Variants in SNX13 observed in about 807,000 individuals in gnomAD.
SNX13 encodes sorting nexin 13.
SNX13 carries 45 observed loss-of-function variants against 133.6 expected under a neutral mutation model. The ratio of observed to expected loss-of-function variants is 0.34; its 90% CI spans 0.27 to 0.43. The LOEUF (loss-of-function observed/expected upper bound fraction) is 0.43, where lower values mean the gene tolerates loss of function less well. Ranked by LOEUF, SNX13 falls within the 20% of genes least tolerant of loss-of-function variation. The probability of loss-of-function intolerance (pLI) is 1.00; values close to 1 mark genes in which losing one functional copy is unlikely to be tolerated. For synonymous variants in SNX13, 414 were observed against 373.9 expected (o/e 1.11, Z -1.24); for missense variants, 1,032 against 1,145.1 (o/e 0.90, Z 1.43).
At chr7:17,923,786 T>C (rs1020625945) in intron 1 of SNX13, among the ~76,000 whole-genome samples, 2 of 152,178 alleles carry the variant, frequency 1.3e-5, no homozygotes, top group Non-Finnish European at 2.9e-5. Context: ...AAGAGGACAC[T>C]GCAGAATTTA....
intron 1 of SNX13, among the ~76,000 whole-genome samples, chr7:17,906,130 A>T (rs1253641973): frequency 6.6e-6 from 1 of 152,250 alleles, no homozygotes; most frequent in Non-Finnish European, 1.5e-5. Flanking sequence ...CACAAGTACA[A>T]GATGATTTTA....
chr7:17,803,409 G>A lies in SNX13; in HGVS notation c.2226+10C>T. ...GTTTGCTTTAGACATTACTGAAAAT[G>A]TCTTCTTACCTTAAAAAATGATTGC... is the stretch of plus-strand genomic sequence containing the variant. On this transcript the variant is annotated intron_variant, in intron 21 of 25. Transcript: ENST00000428135. 6.3e-7 allele frequency: 1 copy of A among 1,596,282 alleles called. No individual in the cohort carries two copies. The highest frequency in any genetic ancestry group is 8.5e-7 in the Non-Finnish European group (1 of 1,171,288).
chr7:17,820,998 G>A (rs972603605), intron 18 of SNX13, among the ~76,000 whole-genome samples: 3 of 151,916 alleles, frequency 2.0e-5, no homozygotes, highest in Non-Finnish European at 4.4e-5. Context: ...TATTTAATAA[G>A]AATTGAAAAT....
intron 18 of SNX13, among the ~76,000 whole-genome samples, chr7:17,818,261 C>G (rs1786896166): frequency 6.6e-6 from 1 of 152,118 alleles, no homozygotes; most frequent in Non-Finnish European, 1.5e-5. Flanking sequence ...ATTAGGGCAG[C>G]CCTACCAAAC....
rs1285197708 is a variant in SNX13 at position 17,845,645 on chromosome 7, A to C, written c.1115T>G (p.Val372Gly). The part of the protein sequence containing the change: ...LAANFGKLCT[V>G]PLDSILVDNV... ...GTCTACAAGAATGCTGTCCAGGGGG[A>C]CTGTGCAAAGTTTCCCAAAGTTTGC... is the stretch of plus-strand genomic sequence containing the variant. Residue 372 changes from valine to glycine, a missense_variant, in exon 12 of 26, where the codon GTC becomes GGC. By Grantham distance (109) the Val-to-Gly change is moderately radical. Transcript: ENST00000428135. 6.2e-7 allele frequency: 1 copy of C among 1,603,146 alleles called. No individual in the cohort carries two copies. Among genetic ancestry groups the C allele is most frequent in the Non-Finnish European group, 8.5e-7 (1 of 1,174,956 alleles).
chr7:17,848,186 T>C (rs971805105), intron 11 of SNX13, among the ~76,000 whole-genome samples: 1 of 152,112 alleles, frequency 6.6e-6, no homozygotes, highest in African/African-American at 2.4e-5. Context: ...GAGGGACAGC[T>C]TGATGGCATA....
In SNX13 at chr7:17,875,436, T is replaced by C. The variant is rs867100940; in HGVS notation, c.664+44A>G. On this transcript the variant is annotated intron_variant, in intron 7 of 25. Transcript: ENST00000428135. ...TTTTCACTGGTTCTGCTAACTTGAC[T>C]CTAGCCAGCTACTATTGTCAAAAAA... 9 of 1,534,316 alleles carry C rather than the reference T, an allele frequency of 5.9e-6. No homozygotes were observed. The Middle Eastern group carries it at 8.6e-4, about 146-fold the overall frequency.
In SNX13 at chr7:17,886,482, T is replaced by A. The variant is rs1796003133; in HGVS notation, c.440+3881A>T. On this transcript the variant is annotated intron_variant, in intron 5 of 25. Coordinates refer to ENST00000428135, the MANE Select transcript of SNX13 (RefSeq NM_015132.5). ...ACTAAGGAGGCTGGGGCAGAAGAAT[T>A]GCTTGAACCTGGGATGCAGAGGTTG... Among the ~76,000 whole-genome samples the A allele has an allele frequency of 1.3e-5, 2 of 151,764 alleles. 1 individual carries two copies. Among genetic ancestry groups the A allele is most frequent in the Admixed American group, 1.3e-4 (2 of 15,250 alleles).
chr7:17,920,677 G>A lies in SNX13; in HGVS notation c.12+19607C>T, dbSNP rs577919753. 7.2e-5 allele frequency among the ~76,000 whole-genome samples: 11 copies of A among 152,128 alleles called. No individual in the cohort carries two copies. The East Asian group carries it at 1.5e-3, about 21-fold the overall frequency. ...TTATAAATTTCCAGCCCCATATACC[G>A]TTTATACTTTAATCTAAGTAAGAGG... On this transcript the variant is annotated intron_variant, in intron 1 of 25. Transcript: ENST00000428135.
At chr7:17,801,745 C>T (rs762877516) in intron 21 of SNX13, 86 bp from the exon 22 acceptor site, 71 of 991,564 alleles carry the variant, frequency 7.2e-5, no homozygotes, top group Non-Finnish European at 1.0e-4. Flanking sequence ...AAATGAGTAT[C>T]AGCATTTGAT....
At position 17,881,611 on chromosome 7, in the gene SNX13, T is replaced by C. The variant is rs908983762; in HGVS notation, c.441-5821A>G. On this transcript the variant is annotated intron_variant, in intron 5 of 25. Transcript: ENST00000428135. Reference sequence around the variant, plus strand: ...GCCTTTTGATCAACTGACTCAGACTTTTTTTTGTTGAGAGAAAGCAACTGA... The same window carrying C: ...GCCTTTTGATCAACTGACTCAGACTCTTTTTTGTTGAGAGAAAGCAACTGA... 7 of 150,872 alleles carry C rather than the reference T, an allele frequency of 4.6e-5. No individual in the cohort carries two copies. In the South Asian group the frequency reaches 8.3e-4, roughly 18 times the overall value. 9.3% of individuals were successfully genotyped at this position (150,872 alleles called of 1,614,324 possible).
intron 20 of SNX13, among the ~76,000 whole-genome samples, chr7:17,809,498 T>TA (rs1202299228): frequency 2.0e-5 from 3 of 152,054 alleles, no homozygotes; most frequent in South Asian, 2.1e-4. Context: ...CAAAGAGACT[T>TA]AGAGTCCCAC....
intron 2 of SNX13, among the ~76,000 whole-genome samples, chr7:17,894,129 C>A (rs1282501094): frequency 1.3e-5 from 2 of 151,670 alleles, no homozygotes; most frequent in African/African-American, 4.8e-5. Context: ...ATGGTGAAAC[C>A]CCGTCTCTAC....
intron 5 of SNX13, chr7:17,881,671 C>G (rs1795370121): frequency 6.6e-6 from 1 of 152,090 alleles, no homozygotes; most frequent in Non-Finnish European, 1.5e-5. Context: ...ATTCCTTCTC[C>G]TGAGTCTCTG....
chr7:17,916,137 GACAA>G (rs1469990227), intron 1 of SNX13, among the ~76,000 whole-genome samples: 1 of 152,056 alleles, frequency 6.6e-6, no homozygotes, highest in Admixed American at 6.6e-5. Flanking sequence ...TCTGGGTTGC[GACAA>G]ACACAGTGTT....
chr7:17,824,638 T>C (rs1178762946), intron 17 of SNX13, among the ~76,000 whole-genome samples: 1 of 152,084 alleles, frequency 6.6e-6, no homozygotes, highest in Non-Finnish European at 1.5e-5. Context: ...TAAATCTTAA[T>C]TTTGGATGGC....
intron 11 of SNX13, among the ~76,000 whole-genome samples, chr7:17,847,434 T>G (rs1292018873): frequency 6.6e-6 from 1 of 152,152 alleles, no homozygotes; most frequent in African/African-American, 2.4e-5. Context: ...CAGGTTCAAG[T>G]GATTCTCCTG....
intron 1 of SNX13, among the ~76,000 whole-genome samples, chr7:17,902,458 T>A (rs1797940274): frequency 6.6e-6 from 1 of 152,166 alleles, no homozygotes; most frequent in Non-Finnish European, 1.5e-5. Flanking sequence ...AAAATCAAGT[T>A]ATGTTATTCT....
At chr7:17,867,964 G>A (rs1386425948) in intron 9 of SNX13, among the ~76,000 whole-genome samples, 1 of 152,062 alleles carries the variant, frequency 6.6e-6, no homozygotes, top group Non-Finnish European at 1.5e-5. Flanking sequence ...CAGACACTAG[G>A]CAACTTACAG....
Sources: allele counts gnomAD v4.1 joint callset (sites outside exome capture counted in the v4.1 genomes callset), GRCh38; gene constraint gnomAD v4.1.1; transcripts MANE v1.5; gene names NCBI Gene and HGNC (gene_info 2026-07-23, HGNC 2026-07-21).